Variants in GSTA3 observed in about 807,000 individuals in gnomAD.
The protein encoded by GSTA3 is glutathione S-transferase A3.
In GSTA3, 16 loss-of-function variants were observed where a neutral mutation model predicts 23.1. The ratio of observed to expected loss-of-function variants is 0.69; its 90% CI spans 0.47 to 1.05. The LOEUF is 1.05. GSTA3 is among the 50% of genes least tolerant of loss of function. The pLI, the probability that GSTA3 is intolerant of heterozygous loss-of-function variation, is 0.00. For missense variants in GSTA3, 319 were observed against 263.6 expected, an observed-to-expected ratio of 1.21 and a Z score of -1.46; for synonymous variants, 122 against 91.0, an observed-to-expected ratio of 1.34 and a Z score of -1.94.
intron 5 of GSTA3, among the ~76,000 whole-genome samples, chr6:52,899,139 G>A (rs1395901570): frequency 6.6e-6 from 1 of 151,964 alleles, no homozygotes; most frequent in Middle Eastern, 3.4e-3. Flanking sequence ...TGGAGCAGGT[G>A]ATCGGAATGA....
rs1289402092 is a variant in GSTA3 at position 52,909,183 on chromosome 6, C to T, written c.-22+458G>A. Among the ~76,000 whole-genome samples, 6 of 152,216 alleles carry T rather than the reference C, an allele frequency of 3.9e-5. No homozygotes were observed. The East Asian group carries it at 5.8e-4, about 15-fold the overall frequency. ...TGGAAGTGCCAGCTCTAGAGGAATA[C>T]GACCATCCAGATGTATTTTCTTTTC... is the stretch of plus-strand genomic sequence containing the variant. On this transcript the variant is annotated intron_variant, in intron 1 of 6. Coordinates refer to ENST00000211122, the MANE Select transcript of GSTA3 (RefSeq NM_000847.5).
At chr6:52,908,405 C>T (rs139008785) in intron 1 of GSTA3, among the ~76,000 whole-genome samples, 101 of 152,124 alleles carry the variant, frequency 6.6e-4, no homozygotes, top group African/African-American at 2.4e-3. Flanking sequence ...GTCCCAGATA[C>T]CCAGGAGGCT....
At chr6:52,908,018 T>G (rs1765952836) in intron 1 of GSTA3, among the ~76,000 whole-genome samples, 1 of 151,900 alleles carries the variant, frequency 6.6e-6, no homozygotes, top group Non-Finnish European at 1.5e-5. Context: ...TTACCATTTT[T>G]ATGTCCCCCA....
intron 3 of GSTA3, 99 bp from the exon 4 acceptor site, chr6:52,902,577 A>G (rs2127359709): frequency 8.0e-7 from 1 of 1,251,422 alleles, no homozygotes; most frequent in Non-Finnish European, 1.1e-6. Context: ...TATAAAATGA[A>G]AAAGAAATTA....
At chr6:52,899,096 T>C (rs1471941655) in intron 5 of GSTA3, among the ~76,000 whole-genome samples, 2 of 151,666 alleles carry the variant, frequency 1.3e-5, no homozygotes, top group Middle Eastern at 3.4e-3. Flanking sequence ...CGGAATGAGT[T>C]AGGGTAGAGC....
intron 5 of GSTA3, among the ~76,000 whole-genome samples, chr6:52,899,622 A>G (rs777767766): frequency 6.6e-6 from 1 of 152,216 alleles, no homozygotes; most frequent in African/African-American, 2.4e-5. Context: ...CACAGACTCA[A>G]CAGCAACCTC....
chr6:52,900,021 C>T lies in GSTA3; in HGVS notation c.327G>A (p.Leu109=), dbSNP rs376077242. 1.5e-5 allele frequency: 24 copies of T among 1,613,062 alleles called. No individual in the cohort carries two copies. Among genetic ancestry groups the T allele is most frequent in the Admixed American group, 3.3e-5 (2 of 59,980 alleles). Residue 109 remains leucine (L), a synonymous_variant, in exon 5 of 7, where the codon CTG becomes CTA. Transcript: ENST00000211122. ...CTTTTTCCTCAGGTCGACATAAGGG[C>T]AGAAGAAGGATCATTTCATTCAAAT... ...MADLNEMILL[L]PLCRPEEKDA...
intron 1 of GSTA3, among the ~76,000 whole-genome samples, chr6:52,908,241 G>T (rs1390484075): frequency 6.6e-6 from 1 of 151,558 alleles, no homozygotes; most frequent in Non-Finnish European, 1.5e-5. Flanking sequence ...ACAAACTAGG[G>T]CTGGGCATGG....
chr6:52,899,841 A>T (rs1435873620), intron 5 of GSTA3, 93 bp downstream of exon 5: 1 of 1,192,416 alleles, frequency 8.4e-7, no homozygotes, highest in Non-Finnish European at 1.2e-6. Flanking sequence ...AGTCTCACTG[A>T]AAGTGAAGGT....
rs374816806 is a variant in GSTA3 at position 52,905,786 on chromosome 6, C to T, written c.49G>A (p.Glu17Lys). 111 of 1,610,894 alleles carry T rather than the reference C, an allele frequency of 6.9e-5. No individual in the cohort carries two copies. The Admixed American group carries it at 1.3e-3, about 18-fold the overall frequency. ...LHYFNGRGRM[E>K]PIRWLLAAAG... The stretch of plus-strand genomic sequence containing the variant: ...GCAGCCAAGAGCCACCGGATGGGCT[C>T]CATTCTGCCCCGTCCATTGAAGTAG... The change falls in exon 2 of 7, where the codon GAG becomes AAG. Residue 17 changes from glutamate to lysine, a missense_variant. Physicochemically the swap from Glu to Lys is moderately conservative, Grantham distance 56. Coordinates refer to ENST00000211122, the MANE Select transcript of GSTA3 (RefSeq NM_000847.5).
chr6:52,904,788 T>G (rs1236578703), intron 2 of GSTA3, among the ~76,000 whole-genome samples: 1 of 152,156 alleles, frequency 6.6e-6, no homozygotes, highest in Non-Finnish European at 1.5e-5. Context: ...CACAGACACC[T>G]CCCAGCATTT....
intron 4 of GSTA3, among the ~76,000 whole-genome samples, chr6:52,902,012 A>C (rs1486280681): frequency 1.3e-5 from 2 of 152,158 alleles, no homozygotes; most frequent in Non-Finnish European, 1.5e-5. Flanking sequence ...GCCTGTCCTA[A>C]GCTGTTGGCT....
intron 5 of GSTA3, among the ~76,000 whole-genome samples, chr6:52,899,264 A>G (rs758747055): frequency 1.8e-4 from 28 of 152,344 alleles, no homozygotes; most frequent in South Asian, 6.2e-4. Flanking sequence ...ATATACTGAC[A>G]TGTTAATTCT....
At chr6:52,907,418 T>C (rs1013211282) in intron 1 of GSTA3, among the ~76,000 whole-genome samples, 25 of 147,050 alleles carry the variant, frequency 1.7e-4, no homozygotes, top group African/African-American at 6.4e-4. Flanking sequence ...AGTGTGGCGA[T>C]TCCTCAGGGA....
chr6:52,905,764 G>A lies in GSTA3; in HGVS notation c.71C>T (p.Ala24Val). The change falls in exon 2 of 7, where the codon GCT becomes GTT. Residue 24 changes from alanine (A) to valine (V), a missense_variant. Transcript: ENST00000211122. Reference sequence around the variant, plus strand: ...AGAACATACCTCCACTCCAGCTGCAGCCAAGAGCCACCGGATGGGCTCCAT... The same window carrying A: ...AGAACATACCTCCACTCCAGCTGCAACCAAGAGCCACCGGATGGGCTCCAT... ...GRMEPIRWLLAAAGVEFEEKF... is the reference protein window; with the variant it reads ...GRMEPIRWLLVAAGVEFEEKF... 6.2e-7 allele frequency: 1 copy of A among 1,603,616 alleles called. No homozygotes were observed.
chr6:52,896,901 G>T lies in GSTA3; in HGVS notation c.574C>A (p.Pro192Thr). The change falls in exon 7 of 7, where the codon CCC becomes ACC. Residue 192 changes from proline to threonine, a missense_variant. Coordinates refer to ENST00000211122, the MANE Select transcript of GSTA3 (RefSeq NM_000847.5). ...KALKTRISNLPTVKKFLQPGS... is the reference protein window; with the variant it reads ...KALKTRISNLTTVKKFLQPGS... ...GGCTGTAGAAACTTCTTCACCGTGGGCAGGTTGCTGATTCTGGTTTTCAGG... is the reference window on the plus strand; with the variant it reads ...GGCTGTAGAAACTTCTTCACCGTGGTCAGGTTGCTGATTCTGGTTTTCAGG... 6.2e-7 allele frequency: 1 copy of T among 1,614,006 alleles called. No individual in the cohort carries two copies. Among genetic ancestry groups the T allele is most frequent in the Non-Finnish European group, 8.5e-7 (1 of 1,179,910 alleles).
chr6:52,904,060 C>T (rs1487284771), intron 2 of GSTA3, among the ~76,000 whole-genome samples: 2 of 152,128 alleles, frequency 1.3e-5, no homozygotes, highest in Admixed American at 1.3e-4. Flanking sequence ...GATCATGGCT[C>T]ATTGCAGCCT....
intron 1 of GSTA3, among the ~76,000 whole-genome samples, chr6:52,908,404 A>T (rs995082523): frequency 6.6e-6 from 1 of 152,066 alleles, no homozygotes; most frequent in Admixed American, 6.6e-5. Context: ...AGTCCCAGAT[A>T]CCCAGGAGGC....
At chr6:52,908,136 C>T (rs1284544676) in intron 1 of GSTA3, among the ~76,000 whole-genome samples, 2 of 148,082 alleles carry the variant, frequency 1.4e-5, no homozygotes, top group African/African-American at 5.1e-5. Flanking sequence ...TATAACATGG[C>T]TAGATATCTC....
Sources: allele counts gnomAD v4.1 joint callset (sites outside exome capture counted in the v4.1 genomes callset), GRCh38; gene constraint gnomAD v4.1.1; transcripts MANE v1.5; gene names NCBI Gene and HGNC (gene_info 2026-07-23, HGNC 2026-07-21).